The following INPP5K variants were observed in gnomAD, a reference collection of about 807,000 sequenced individuals.
The protein encoded by INPP5K is inositol polyphosphate 5-phosphatase K.
Under a neutral mutation model 53.5 loss-of-function variants are expected in INPP5K, and 35 were observed. That is an observed-to-expected ratio of 0.65 (90% CI 0.50 to 0.87). The LOEUF (loss-of-function observed/expected upper bound fraction) is 0.87. INPP5K is among the 40% of genes least tolerant of loss of function. The pLI, the probability that INPP5K is intolerant of heterozygous loss-of-function variation, is 0.00. For synonymous variants in INPP5K, 253 were observed against 232.8 expected (o/e 1.09, Z -0.79); for missense variants, 550 against 586.2 (o/e 0.94, Z 0.64).
intron 3 of INPP5K, among the ~76,000 whole-genome samples, chr17:1,512,219 G>T (rs2075325689): frequency 6.6e-6 from 1 of 152,186 alleles, no homozygotes; most frequent in African/African-American, 2.4e-5. Flanking sequence ...TAATTTCCTT[G>T]GCTCAATTCC....
chr17:1,515,548 T>C (rs2150996285), intron 1 of INPP5K: 1 of 985,686 alleles, frequency 1.0e-6, no homozygotes, highest in Non-Finnish European at 1.2e-6. Flanking sequence ...GCATGAGTCC[T>C]AGGCACACGA....
chr17:1,508,437 CTCTGGCAAACACAGAGCAGG>C (rs1383085891), intron 5 of INPP5K: 14 of 560,008 alleles, frequency 2.5e-5, no homozygotes, highest in Non-Finnish European at 4.2e-5. Context: ...AAAGAGCCTG[CTCTGGCAAACACAGAGCAGG>C]CTGTGGCCCT....
At chr17:1,496,993 C>T (rs971012928) in intron 8 of INPP5K, among the ~76,000 whole-genome samples, 190 bp from the exon 9 acceptor site, 1 of 152,188 alleles carries the variant, frequency 6.6e-6, no homozygotes, top group African/African-American at 2.4e-5. Flanking sequence ...GAACACCAGT[C>T]GGCGGGTGGC....
At chr17:1,515,744 A>G (rs2075418710) in intron 1 of INPP5K, 2 of 605,454 alleles carry the variant, frequency 3.3e-6, no homozygotes, top group Non-Finnish European at 4.1e-6. Flanking sequence ...CCCTGTTAGC[A>G]TAAACAACAC....
chr17:1,507,177 G>T (rs1392416721), intron 6 of INPP5K, 88 bp from the exon 7 acceptor site: 15 of 932,656 alleles, frequency 1.6e-5, no homozygotes, highest in Non-Finnish European at 2.5e-5. Flanking sequence ...AGCACATGCC[G>T]TCACAAATGG....
chr17:1,509,578 G>C, intron 4 of INPP5K, 105 bp downstream of exon 4: 1 of 933,910 alleles, frequency 1.1e-6, no homozygotes, highest in East Asian at 2.4e-5. Context: ...CATGCATTGG[G>C]CTGGACAGAG....
intron 7 of INPP5K, among the ~76,000 whole-genome samples, chr17:1,506,426 C>T (rs942500851): frequency 2.9e-4 from 44 of 152,200 alleles, no homozygotes; most frequent in African/African-American, 1.0e-3. Context: ...TTCTCATCCA[C>T]ACCTTATAGC....
At chr17:1,497,461 G>A (rs990064090) in intron 8 of INPP5K, among the ~76,000 whole-genome samples, 3 of 152,054 alleles carry the variant, frequency 2.0e-5, no homozygotes, top group Non-Finnish European at 2.9e-5. Context: ...GCGGCAGAAC[G>A]AGACCCTAAC....
Position 1,494,857 on chromosome 17 carries a change from G to T in INPP5K, c.*966C>A, listed in dbSNP as rs1317283430. 6.6e-6 allele frequency: 1 copy of T among 152,234 alleles called. No individual in the cohort carries two copies. The highest frequency in any genetic ancestry group is 1.5e-5 in the Non-Finnish European group (1 of 68,062). 9.4% of individuals were successfully genotyped at this position (152,234 alleles called of 1,614,324 possible). A position where few individuals can be genotyped will look rare whatever the true frequency, so the allele number is the denominator to read the frequency against. ...ACAGGCCATGTCCCCAAAGCCCCTA[G>T]AGGGTGTTCTCTGAAGAACCCCAGG... On this transcript the variant is annotated 3_prime_UTR_variant, in exon 12 of 12. Coordinates refer to ENST00000421807, the MANE Select transcript of INPP5K (RefSeq NM_016532.4).
At chr17:1,512,688 CCTA>C (rs2075336821) in intron 3 of INPP5K, among the ~76,000 whole-genome samples, 1 of 152,124 alleles carries the variant, frequency 6.6e-6, no homozygotes, top group South Asian at 2.1e-4. Flanking sequence ...TGTGGACTCT[CCTA>C]CTGTCTAAAG....
chr17:1,509,371 C>T lies in INPP5K; in HGVS notation c.379-18G>A. On this transcript the variant is annotated intron_variant, in intron 4 of 11. Coordinates refer to ENST00000421807, the MANE Select transcript of INPP5K (RefSeq NM_016532.4). ...TTGTTCCCCTGGTAGAACAGGTCAA[C>T]AGAAGAGTGGGAAGCTACTCGGGTT... The T allele has an allele frequency of 6.2e-7, 1 of 1,607,042 alleles. No individual in the cohort carries two copies. Among genetic ancestry groups the T allele is most frequent in the Non-Finnish European group, 8.5e-7 (1 of 1,175,442 alleles).
At chr17:1,516,429 C>A (rs1452501225) in intron 1 of INPP5K, 27 bp downstream of exon 1, 1 of 1,586,504 alleles carries the variant, frequency 6.3e-7, no homozygotes, top group Non-Finnish European at 8.5e-7. Context: ...CCGAGCAGGC[C>A]TGCCTCTGCC....
chr17:1,511,813 T>C (rs959741344), intron 3 of INPP5K, among the ~76,000 whole-genome samples: 5 of 118,238 alleles, frequency 4.2e-5, no homozygotes, highest in Non-Finnish European at 8.1e-5. Flanking sequence ...TTTAGGCCAC[T>C]GGGTTCCACC....
At chr17:1,503,478 C>T (rs964859456) in intron 7 of INPP5K, among the ~76,000 whole-genome samples, 4 of 152,108 alleles carry the variant, frequency 2.6e-5, no homozygotes, top group African/African-American at 4.8e-5. Context: ...CCACCGCACC[C>T]GGCCACACCA....
intron 3 of INPP5K, among the ~76,000 whole-genome samples, chr17:1,511,745 AG>A (rs1233593017): frequency 6.6e-6 from 1 of 152,120 alleles, no homozygotes; most frequent in African/African-American, 2.4e-5. Context: ...GATTGAAGCA[AG>A]GGGACTGATA....
At chr17:1,511,368 C>A (rs2075303692) in intron 3 of INPP5K, among the ~76,000 whole-genome samples, 1 of 152,218 alleles carries the variant, frequency 6.6e-6, no homozygotes, top group Non-Finnish European at 1.5e-5. Context: ...GAATGGGCCG[C>A]AGCCAGTAGC....
chr17:1,497,836 CTGGGGGACTGGCTGACAT>C, intron 8 of INPP5K, 82 bp downstream of exon 8: 1 of 1,119,288 alleles, frequency 8.9e-7, no homozygotes, highest in Non-Finnish European at 1.3e-6. Context: ...CAGGTCTCCC[CTGGGGGACTGGCTGACAT>C]TCGAATCCAG....
At chr17:1,497,891 G>A (rs2074899461) in intron 8 of INPP5K, 45 bp downstream of exon 8, 1 of 1,531,008 alleles carries the variant, frequency 6.5e-7, no homozygotes, top group Non-Finnish European at 9.0e-7. Context: ...GATGTGGCCA[G>A]CATAGCTATT....
At chr17:1,500,958 CTT>C (rs546504445) in intron 7 of INPP5K, among the ~76,000 whole-genome samples, 8,948 of 135,108 alleles carry the variant, frequency 0.066, 316 homozygotes, top group Non-Finnish European at 0.076. Flanking sequence ...TATTCAACTG[CTT>C]TTTTTTTTTT....
Sources: gnomAD v4.1 joint callset for allele counts (sites outside exome capture counted in the v4.1 genomes callset) on GRCh38, gnomAD v4.1.1 for gene constraint, MANE v1.5 for transcripts, NCBI Gene and HGNC (gene_info 2026-07-23, HGNC 2026-07-21) for gene names.